The following HR variants were observed in gnomAD, a reference collection of about 807,000 sequenced individuals.
The protein encoded by HR is lysine-specific demethylase hairless.
Under a neutral mutation model 128.6 loss-of-function variants are expected in HR, and 83 were observed. The ratio of observed to expected loss-of-function variants is 0.65; its 90% CI spans 0.54 to 0.77. HR has a LOEUF of 0.77. Ranked by LOEUF, HR falls within the 30% of genes least tolerant of loss-of-function variation. The probability of loss-of-function intolerance (pLI) is 0.00; values close to 1 mark genes in which losing one functional copy is unlikely to be tolerated. For missense variants in HR, 1,490 were observed against 1,574.6 expected, an observed-to-expected ratio of 0.95 and a Z score of 0.91; for synonymous variants, 681 against 658.2, an observed-to-expected ratio of 1.03 and a Z score of -0.53.
rs759685373 is a variant in HR, at chr8:22,125,726, T to C, written c.1412A>G (p.Gln471Arg). ...GTCCTGGAGACTGGCCTGGCCATCT[T>C]GGGGTCCTGAGGGGACAATGCAGAG... ...SGQHDEQKGP[Q>R]DGQASLQDPG... is the part of the protein sequence containing the mutation. The change falls in exon 4 of 19, where the codon CAA (glutamine) becomes CGA (arginine). Residue 471 changes from glutamine (Q) to arginine (R), a missense_variant. Around this residue, in one of 3 missense-constraint regions of HR, gnomAD observed 1,060 missense variants for 1,060.9 expected, o/e 1.00. Transcript: ENST00000381418. 2 of 1,613,746 alleles carry C rather than the reference T, an allele frequency of 1.2e-6. No individual in the cohort carries two copies. Among genetic ancestry groups the C allele is most frequent in the Non-Finnish European group, 1.7e-6 (2 of 1,179,994 alleles).
At chr8:22,121,538 G>T in intron 9 of HR, 75 bp downstream of exon 9, 2 of 1,495,798 alleles carry the variant, frequency 1.3e-6, no homozygotes, top group South Asian at 2.3e-5. Context: ...AGACTTCCGC[G>T]ACTGTCCCCT....
At chr8:22,129,295 G>T in intron 1 of HR, 85 bp from the exon 2 acceptor site, 1 of 1,202,256 alleles carries the variant, frequency 8.3e-7, no homozygotes, top group Non-Finnish European at 1.1e-6. Flanking sequence ...CACCGCCCTG[G>T]CAACACTGAG....
intron 5 of HR, 123 bp downstream of exon 5, chr8:22,125,188 A>T: frequency 1.0e-6 from 1 of 962,332 alleles, no homozygotes; most frequent in Non-Finnish European, 1.5e-6. Context: ...GTCCCCACCC[A>T]GGCCAGGGGC....
rs1826919820 is a variant in HR, at chr8:22,127,262, G to GAC, written c.1178_1179dup (p.Pro394ValfsTer62). On this transcript the variant is annotated frameshift_variant, in exon 3 of 19. Transcript: ENST00000381418. LOFTEE classifies it high-confidence loss of function. ...TCCTCGACCTCAGGGCAGCCGCGTGGACATTCAAACTGCTCCGAGTGCCGT... is the reference window on the plus strand; with the variant it reads ...TCCTCGACCTCAGGGCAGCCGCGTGGACACATTCAAACTGCTCCGAGTGCCGT... The GAC allele has an allele frequency of 1.2e-6, 2 of 1,613,168 alleles. No individual in the cohort carries two copies. The highest frequency in any genetic ancestry group is 8.5e-7 in the Non-Finnish European group (1 of 1,180,016).
In HR at chr8:22,119,222, C is replaced by A; in HGVS notation, c.3039G>T (p.Leu1013=). Residue 1013 remains leucine (L), a synonymous_variant, in exon 15 of 19, where the codon CTG becomes CTT. Transcript: ENST00000381418. ...TKNLCVEVAD[L]VSILVHADTP... is the part of the protein sequence containing the mutation. ...TGTCGGCATGCACCAGGATGCTGAC[C>A]AGGTCGGCCACCTCCACACAGAGGT... 1 of 1,613,866 alleles carries A rather than the reference C, an allele frequency of 6.2e-7. No individual in the cohort carries two copies. Among genetic ancestry groups the A allele is most frequent in the Admixed American group, 1.7e-5 (1 of 60,020 alleles).
chr8:22,120,177 C>T lies in HR; in HGVS notation c.2777-4G>A. ...CCCTCGTCTGACTTTGGGCGAACTA[C>T]AGGAGGAGACAGAACGGCCATTGGC... On this transcript the variant is annotated splice_polypyrimidine_tract_variant and splice_region_variant and intron_variant, in intron 12 of 18. Coordinates refer to ENST00000381418, the MANE Select transcript of HR (RefSeq NM_005144.5). 17 of 1,593,340 alleles carry T rather than the reference C, an allele frequency of 1.1e-5. No individual in the cohort carries two copies. The highest frequency in any genetic ancestry group is 1.3e-5 in the Non-Finnish European group (15 of 1,170,574).
chr8:22,119,998 C>G, intron 13 of HR, 106 bp downstream of exon 13: 1 of 1,590,710 alleles, frequency 6.3e-7, no homozygotes, highest in East Asian at 2.3e-5. Context: ...ATGAGAGTAC[C>G]AGGGACCACG....
chr8:22,115,829 C>G, intron 18 of HR, 67 bp from the exon 19 acceptor site: 1 of 1,498,636 alleles, frequency 6.7e-7, no homozygotes, highest in South Asian at 1.2e-5. Context: ...GTCCCCCACC[C>G]TACTTAAAAG....
In HR at chr8:22,128,703, G is replaced by T; in HGVS notation, c.468C>A (p.Pro156=). Residue 156 remains proline, a synonymous_variant, in exon 2 of 19, where the codon CCC becomes CCA. Coordinates refer to ENST00000381418, the MANE Select transcript of HR (RefSeq NM_005144.5). The part of the protein sequence containing the change: ...LLETKILERA[P]FWVPTCLPPY... Reference sequence around the variant, plus strand: ...GTGGCAAGCAGGTGGGCACCCAGAAGGGAGCTCGCTCCAGGATCTTGGTCT... The same window carrying T: ...GTGGCAAGCAGGTGGGCACCCAGAATGGAGCTCGCTCCAGGATCTTGGTCT... The T allele has an allele frequency of 6.3e-7, 1 of 1,583,358 alleles. No individual in the cohort carries two copies. The highest frequency in any genetic ancestry group is 8.6e-7 in the Non-Finnish European group (1 of 1,164,992).
Position 22,115,751 on chromosome 8 carries a change from A to G in HR, c.3519T>C (p.Ala1173=). 1 of 1,613,994 alleles carries G rather than the reference A, an allele frequency of 6.2e-7. No individual in the cohort carries two copies. The highest frequency in any genetic ancestry group is 1.1e-5 in the South Asian group (1 of 91,072). The change falls in exon 19 of 19, where the codon GCT becomes GCC. Residue 1173 remains alanine (A), a synonymous_variant. Transcript: ENST00000381418. ...CGGCCACCTTCACTGCTTGGAACAC[A>G]GCCCAGTCCATCTAGGAAAAAGAGA... ...CHLLYAQMDW[A]VFQAVKVAVG... is the part of the protein sequence containing the mutation.
rs1172145360 is a variant in HR, at chr8:22,120,778, C to T, written c.2548G>A (p.Glu850Lys). 1.3e-6 allele frequency: 2 copies of T among 1,532,496 alleles called. No homozygotes were observed. Among genetic ancestry groups the T allele is most frequent in the African/African-American group, 1.4e-5 (1 of 72,540 alleles). 94.9% of individuals were successfully genotyped at this position (1,532,496 alleles called of 1,614,324 possible). The change falls in exon 11 of 19, where the codon GAG becomes AAG. Residue 850 changes from glutamate to lysine, a missense_variant. Transcript: ENST00000381418. ...CCACGCCGAGGGCAAGGCTGGGGCT[C>T]CTGCAGCCACAGCAAAGCCCCTGGG... Reference protein sequence around the residue: ...PPPGALLWLQEPQPCPRRGFH... With the variant: ...PPPGALLWLQKPQPCPRRGFH...
intron 3 of HR, among the ~76,000 whole-genome samples, chr8:22,126,564 A>G (rs1826895938): frequency 6.6e-6 from 1 of 152,260 alleles, no homozygotes; most frequent in African/African-American, 2.4e-5. Context: ...ATCACGGTGA[A>G]CATTTACTGA....
intron 3 of HR, 52 bp downstream of exon 3, chr8:22,126,985 C>A: frequency 1.3e-6 from 2 of 1,533,406 alleles, no homozygotes; most frequent in Non-Finnish European, 1.8e-6. Context: ...GAAGCCCCAG[C>A]CCCGGCTGCC....
At chr8:22,120,612 T>A in intron 11 of HR, 104 bp downstream of exon 11, 1 of 1,580,288 alleles carries the variant, frequency 6.3e-7, no homozygotes, top group Non-Finnish European at 8.6e-7. Context: ...GGGACAGCCC[T>A]CCTGCTCCCC....
intron 11 of HR, 95 bp downstream of exon 11, chr8:22,120,621 C>G: frequency 6.4e-7 from 1 of 1,574,560 alleles, no homozygotes; most frequent in Non-Finnish European, 8.6e-7. Flanking sequence ...CTCCTGCTCC[C>G]CCTGAGCCAC....
chr8:22,123,350 C>T (rs1333168235), intron 6 of HR, among the ~76,000 whole-genome samples: 1 of 152,188 alleles, frequency 6.6e-6, no homozygotes, highest in African/African-American at 2.4e-5. Flanking sequence ...AAAACAAAAG[C>T]AGTAATACCC....
intron 16 of HR, chr8:22,118,559 T>C (rs1176786380): frequency 2.5e-5 from 7 of 275,990 alleles, no homozygotes; most frequent in Admixed American, 4.7e-5. Context: ...AGACAGAAGC[T>C]CAGATCCCAG....
intron 1 of HR, among the ~76,000 whole-genome samples, chr8:22,130,090 C>T (rs1266114045): frequency 1.3e-5 from 2 of 152,154 alleles, no homozygotes; most frequent in East Asian, 1.9e-4. Context: ...GCGGGCTGGG[C>T]CCCAGAGAGA....
Position 22,125,716 on chromosome 8 carries a change from C to G in HR, c.1422G>C (p.Gln474His), listed in dbSNP as rs1347968074. The change falls in exon 4 of 19, where the codon CAG becomes CAC. Residue 474 changes from glutamine to histidine, a missense_variant. Gln to His is a conservative substitution (Grantham distance 24). Coordinates refer to ENST00000381418, the MANE Select transcript of HR (RefSeq NM_005144.5). ...HDEQKGPQDG[Q>H]ASLQDPGLQD... is the part of the protein sequence containing the mutation. ...GAAGTCCCGGGTCCTGGAGACTGGC[C>G]TGGCCATCTTGGGGTCCTGAGGGGA... 6 of 1,613,900 alleles carry G rather than the reference C, an allele frequency of 3.7e-6. No individual in the cohort carries two copies. Among genetic ancestry groups the G allele is most frequent in the Non-Finnish European group, 5.1e-6 (6 of 1,180,014 alleles).
Sources: gnomAD v4.1 joint callset for allele counts (sites outside exome capture counted in the v4.1 genomes callset) on GRCh38, gnomAD v4.1.1 for gene constraint, gnomAD v4.1.1 regional missense constraint, MANE v1.5 for transcripts, NCBI Gene and HGNC (gene_info 2026-07-23, HGNC 2026-07-21) for gene names.